The following MACF1 variants were observed in gnomAD, a reference collection of about 807,000 sequenced individuals.
The protein encoded by MACF1 is microtubule actin crosslinking factor 1.
MACF1 carries 193 observed loss-of-function variants against 854.8 expected under a neutral mutation model. The ratio of observed to expected loss-of-function variants is 0.23; its 90% CI spans 0.20 to 0.25. MACF1 has a LOEUF of 0.25. Ranked by LOEUF, MACF1 falls within the 10% of genes least tolerant of loss-of-function variation. The pLI, the probability that MACF1 is intolerant of heterozygous loss-of-function variation, is 1.00. For missense variants in MACF1, 7,722 were observed against 8,929.1 expected (o/e 0.86, Z 5.45); for synonymous variants, 3,185 against 3,226.7 (o/e 0.99, Z 0.44).
At chr1:39,247,569 T>A (rs1412819935) in intron 2 of MACF1, among the ~76,000 whole-genome samples, 1 of 152,232 alleles carries the variant, frequency 6.6e-6, no homozygotes, top group Admixed American at 6.5e-5. Flanking sequence ...GTATATTTCT[T>A]CCCAACATTG....
chr1:39,310,080 A>G (rs1336316735), intron 24 of MACF1, among the ~76,000 whole-genome samples, 165 bp from the exon 25 acceptor site: 1 of 152,178 alleles, frequency 6.6e-6, no homozygotes, highest in Non-Finnish European at 1.5e-5. Context: ...CTGCTTCTTA[A>G]TCTGAATGCT....
intron 29 of MACF1, among the ~76,000 whole-genome samples, chr1:39,318,074 TA>T (rs1379846967): frequency 1.3e-5 from 2 of 152,204 alleles, no homozygotes; most frequent in African/African-American, 2.4e-5. Context: ...TAGTGATTCA[TA>T]AATCATAGCT....
At position 39,310,882 on chromosome 1, in the gene MACF1, T is replaced by C. The variant is rs183919369; in HGVS notation, c.3152T>C (p.Ile1051Thr). 43 of 1,614,120 alleles carry C rather than the reference T, an allele frequency of 2.7e-5. No homozygotes were observed. In the Admixed American group the frequency reaches 5.5e-4, roughly 21 times the overall value. The change falls in exon 26 of 101, where the codon ATC becomes ACC. Residue 1051 changes from isoleucine to threonine, a missense_variant. By Grantham distance (89) the Ile-to-Thr change is moderately conservative (BLOSUM62 -1). Coordinates refer to ENST00000564288, the MANE Select transcript of MACF1 (RefSeq NM_001394062.1). ...ATGTACATTTCAGAGTTGAAGAACATCCGGCTACGCCTGGAGGAGTATGAA... is the reference window on the plus strand; with the variant it reads ...ATGTACATTTCAGAGTTGAAGAACACCCGGCTACGCCTGGAGGAGTATGAA... ...AKMYISELKNIRLRLEEYEQR... is the reference protein window; with the variant it reads ...AKMYISELKNTRLRLEEYEQR...
intron 26 of MACF1, among the ~76,000 whole-genome samples, chr1:39,314,799 G>A (rs551579620): frequency 1.3e-4 from 20 of 152,274 alleles, no homozygotes; most frequent in Middle Eastern, 6.8e-3. Context: ...ACTCACTGCA[G>A]TAAACAAACC....
chr1:39,114,582 A>G (rs1642500260), intron 2 of MACF1, among the ~76,000 whole-genome samples: 1 of 152,222 alleles, frequency 6.6e-6, no homozygotes, highest in Non-Finnish European at 1.5e-5. Flanking sequence ...CAGAGGAAAT[A>G]TTAATTTTAG....
In MACF1 at chr1:39,220,818, C is replaced by G. The variant is rs544194248; in HGVS notation, c.110-10364C>G. On this transcript the variant is annotated intron_variant, in intron 1 of 100. Coordinates refer to ENST00000564288, the MANE Select transcript of MACF1 (RefSeq NM_001394062.1). ...ATGAAGTTTAAAGCATGGATCTTGA[C>G]TTGAAAGAGCTCAATTCAGATACAG... Among the ~76,000 whole-genome samples, 43 of 152,228 alleles carry G rather than the reference C, an allele frequency of 2.8e-4. No homozygotes were observed. In the South Asian group the frequency reaches 8.7e-3, roughly 31 times the overall value.
chr1:39,383,848 G>T (rs1460902149), intron 56 of MACF1, among the ~76,000 whole-genome samples: 1 of 151,966 alleles, frequency 6.6e-6, no homozygotes, highest in African/African-American at 2.4e-5. Context: ...CTGCACTCCA[G>T]CCTGGGCAAC....
intron 2 of MACF1, among the ~76,000 whole-genome samples, chr1:39,098,452 A>G (rs987661036): frequency 1.3e-5 from 2 of 152,234 alleles, no homozygotes; most frequent in Admixed American, 6.5e-5. Flanking sequence ...GTAGTTTAAT[A>G]ACAGCTAACA....
intron 2 of MACF1, among the ~76,000 whole-genome samples, chr1:39,087,183 T>C (rs1641693934): frequency 6.6e-6 from 1 of 152,206 alleles, no homozygotes; most frequent in African/African-American, 2.4e-5. Flanking sequence ...ACTTTAATTG[T>C]GGGAGGAAAT....
chr1:39,457,479 T>TC (rs1206277947), intron 89 of MACF1: 10 of 152,334 alleles, frequency 6.6e-5, no homozygotes, highest in Admixed American at 4.6e-4. Flanking sequence ...CCCACATCAC[T>TC]CCATGTTTTA....
chr1:39,225,335 G>A (rs1007984126), intron 1 of MACF1, among the ~76,000 whole-genome samples: 13 of 148,304 alleles, frequency 8.8e-5, no homozygotes, highest in South Asian at 4.3e-4. Context: ...TCCTGCCTCA[G>A]CCTCCCGAGT....
Position 39,412,945 on chromosome 1 carries a change from G to A in MACF1, c.15817-9429G>A, listed in dbSNP as rs557574081. The A allele has an allele frequency of 6.2e-6, 10 of 1,600,436 alleles. No individual in the cohort carries two copies. The African/African-American group carries it at 8.0e-5, about 13-fold the overall frequency. On this transcript the variant is annotated intron_variant, in intron 58 of 100. Coordinates refer to ENST00000564288, the MANE Select transcript of MACF1 (RefSeq NM_001394062.1). The stretch of plus-strand genomic sequence containing the variant: ...TGCTTCAATAGTCTCCTTAGAGGAG[G>A]AGGATGTCACAGCTGCTGCAGTATC...
chr1:39,223,763 C>T (rs193288606), intron 1 of MACF1, among the ~76,000 whole-genome samples: 11 of 152,164 alleles, frequency 7.2e-5, no homozygotes, highest in Non-Finnish European at 1.0e-4. Context: ...GTGATCTGCC[C>T]GCTTCTGCCT....
chr1:39,277,680 T>A (rs1645463653), intron 6 of MACF1, among the ~76,000 whole-genome samples: 2 of 152,256 alleles, frequency 1.3e-5, no homozygotes, highest in South Asian at 4.2e-4. Flanking sequence ...AGCACAGATG[T>A]TGTTGTTGCT....
At chr1:39,483,112 A>AAAAAC (rs1557678228) in intron 99 of MACF1, among the ~76,000 whole-genome samples, 8 of 86,860 alleles carry the variant, frequency 9.2e-5, no homozygotes, top group Non-Finnish European at 1.5e-4. Flanking sequence ...AAAAAAAAAA[A>AAAAAC]CACCCACACA....
chr1:39,431,062 G>A (rs1643869289), intron 66 of MACF1, among the ~76,000 whole-genome samples, 154 bp downstream of exon 66: 1 of 152,182 alleles, frequency 6.6e-6, no homozygotes, highest in South Asian at 2.1e-4. Flanking sequence ...AAATGATTGG[G>A]TAGAAGTTTG....
chr1:39,177,100 G>A (rs536643808), intron 2 of MACF1, among the ~76,000 whole-genome samples: 4 of 152,166 alleles, frequency 2.6e-5, no homozygotes, highest in African/African-American at 7.2e-5. Context: ...ACTGAGAATC[G>A]CTGTCATCAG....
intron 58 of MACF1, among the ~76,000 whole-genome samples, chr1:39,395,117 T>C (rs1430358358): frequency 6.6e-6 from 1 of 152,240 alleles, no homozygotes; most frequent in Non-Finnish European, 1.5e-5. Flanking sequence ...CACCTCTGCC[T>C]GCCACTATCA....
intron 51 of MACF1, among the ~76,000 whole-genome samples, chr1:39,371,747 A>G (rs1043032363): frequency 1.3e-5 from 2 of 148,790 alleles, no homozygotes; most frequent in African/African-American, 5.0e-5. Context: ...TCTAGTTACC[A>G]TTTCTTTTTT....
Sources: allele counts gnomAD v4.1 joint callset (sites outside exome capture counted in the v4.1 genomes callset), GRCh38; gene constraint gnomAD v4.1.1; transcripts MANE v1.5; gene names NCBI Gene and HGNC (gene_info 2026-07-23, HGNC 2026-07-21).